Variants in DLL3 observed in about 807,000 individuals in gnomAD.
The protein encoded by DLL3 is delta-like protein 3.
In DLL3, 49 loss-of-function variants were observed where a neutral mutation model predicts 55.0. The observed-to-expected ratio is 0.89, with a 90% CI of 0.71 to 1.13. The LOEUF is 1.13. Ranked by LOEUF, DLL3 falls within the 50% of genes most tolerant of loss-of-function variation. The pLI is 0.00. For missense variants in DLL3, 962 were observed against 875.5 expected, an observed-to-expected ratio of 1.10 and a Z score of -1.25; for synonymous variants, 421 against 385.2, an observed-to-expected ratio of 1.09 and a Z score of -1.09.
chr19:39,508,392 T>A lies in DLL3; in HGVS notation c.*135T>A. On this transcript the variant is annotated 3_prime_UTR_variant, in exon 9 of 9. Coordinates refer to ENST00000356433, the MANE Select transcript of DLL3 (RefSeq NM_203486.3). The stretch of plus-strand genomic sequence containing the variant: ...GGGGGAACTTTACTGTTGCAAGTTG[T>A]AAATAATGGTTATTTATATCCTATT... 2 of 953,656 alleles carry A rather than the reference T, an allele frequency of 2.1e-6. No homozygotes were observed. Among genetic ancestry groups the A allele is most frequent in the Non-Finnish European group, 3.3e-6 (2 of 597,806 alleles). 59.1% of individuals were successfully genotyped at this position (953,656 alleles called of 1,614,324 possible).
chr19:39,507,907 C>A lies in DLL3; in HGVS notation c.1751C>A (p.Ala584Asp), dbSNP rs768002373. Residue 584 changes from alanine to aspartate, a missense_variant, in exon 8 of 9, where the codon GCT becomes GAT. Coordinates refer to ENST00000356433, the MANE Select transcript of DLL3 (RefSeq NM_203486.3). ...IYVISAPSIY[A>D]REA ...GTCATATCTGCTCCTTCCATCTACG[C>A]TCGGGAGGTAGCGACGCCCCTTTTC... The A allele has an allele frequency of 1.2e-6, 2 of 1,614,180 alleles. No individual in the cohort carries two copies. Among genetic ancestry groups the A allele is most frequent in the Non-Finnish European group, 1.7e-6 (2 of 1,180,026 alleles).
Position 39,499,435 on chromosome 19 carries a change from G to A in DLL3, c.313G>A (p.Asp105Asn), listed in dbSNP as rs2079596960. 3 of 1,591,170 alleles carry A rather than the reference G, an allele frequency of 1.9e-6. No homozygotes were observed. Among genetic ancestry groups the A allele is most frequent in the Non-Finnish European group, 1.7e-6 (2 of 1,176,466 alleles). ...GAPAPDLPLP[D>N]GLLQVPFRDA... ...GCCCGCGCCTGATCTCCCACTGCCC[G>A]ACGGCCTCTTGCAGGTGCCCTTCCG... The change falls in exon 2 of 9, where the codon GAC (aspartate) becomes AAC (asparagine). Residue 105 changes from aspartate (D) to asparagine (N), a missense_variant. Physicochemically the swap from Asp to Asn is conservative, Grantham distance 23. Coordinates refer to ENST00000356433, the MANE Select transcript of DLL3 (RefSeq NM_203486.3).
chr19:39,498,978 G>T lies in DLL3; in HGVS notation c.4G>T (p.Val2Phe), dbSNP rs2079592665. The T allele has an allele frequency of 1.2e-6, 2 of 1,613,952 alleles. No individual in the cohort carries two copies. Among genetic ancestry groups the T allele is most frequent in the Non-Finnish European group, 1.7e-6 (2 of 1,179,984 alleles). The change falls in exon 1 of 9, where the codon GTC becomes TTC. Residue 2 changes from valine to phenylalanine, a missense_variant. Physicochemically the swap from Val to Phe is conservative, Grantham distance 50. Coordinates refer to ENST00000356433, the MANE Select transcript of DLL3 (RefSeq NM_203486.3). Reference protein sequence around the residue: MVSPRMSGLLSQ... With the variant: MFSPRMSGLLSQ... The stretch of plus-strand genomic sequence containing the variant: ...GAGACCCCCCCACCAGAAGGCCATG[G>T]TCTCCCCACGGATGTCCGGGCTCCT...
chr19:39,508,084 C>A, intron 8 of DLL3, 168 bp from the exon 9 acceptor site: 1 of 1,604,594 alleles, frequency 6.2e-7, no homozygotes, highest in East Asian at 2.2e-5. Context: ...ATTTTGCATC[C>A]CTCTTATCGT....
chr19:39,500,923 T>C (rs543646072), intron 3 of DLL3, among the ~76,000 whole-genome samples: 2 of 152,226 alleles, frequency 1.3e-5, no homozygotes, highest in East Asian at 3.9e-4. Flanking sequence ...AGTGTAGCAT[T>C]TCACAGCCCT....
intron 4 of DLL3, 51 bp from the exon 5 acceptor site, chr19:39,504,020 C>T (rs767762417): frequency 6.3e-7 from 1 of 1,576,438 alleles, no homozygotes. Flanking sequence ...TTGTCCCTGG[C>T]CCTCCCCGAC....
intron 4 of DLL3, 102 bp downstream of exon 4, chr19:39,503,159 C>T: frequency 1.0e-5 from 13 of 1,276,532 alleles, no homozygotes; most frequent in African/African-American, 1.5e-5. Context: ...CACTCACCCT[C>T]TTCAGGGTAC....
At chr19:39,504,043 T>G (rs1441020418) in intron 4 of DLL3, 28 bp from the exon 5 acceptor site, 4 of 1,611,540 alleles carry the variant, frequency 2.5e-6, no homozygotes, top group Non-Finnish European at 3.4e-6. Flanking sequence ...TGGTGTTCCC[T>G]TTCTCTCTGC....
intron 6 of DLL3, 123 bp downstream of exon 6, chr19:39,505,574 C>A: frequency 1.0e-6 from 1 of 965,448 alleles, no homozygotes; most frequent in Non-Finnish European, 1.5e-6. Context: ...TGACCTTCCA[C>A]CTGCAAGCCT....
chr19:39,508,176 C>T, intron 8 of DLL3, 76 bp from the exon 9 acceptor site: 2 of 1,614,146 alleles, frequency 1.2e-6, no homozygotes, highest in Admixed American at 1.7e-5. Context: ...AGCTTTTCCA[C>T]TGATTGTACT....
At chr19:39,506,413 A>G (rs2079641866) in intron 6 of DLL3, among the ~76,000 whole-genome samples, 1 of 150,898 alleles carries the variant, frequency 6.6e-6, no homozygotes, top group South Asian at 2.1e-4. Flanking sequence ...CTGGCTGTGT[A>G]TCTTCTTGCG....
At chr19:39,504,595 T>C (rs1025388546) in intron 5 of DLL3, among the ~76,000 whole-genome samples, 1 of 151,900 alleles carries the variant, frequency 6.6e-6, no homozygotes, top group Non-Finnish European at 1.5e-5. Flanking sequence ...CCCAAGGTAG[T>C]GGGTGGTGGG....
chr19:39,500,492 C>A, intron 2 of DLL3, 123 bp from the exon 3 acceptor site: 1 of 755,852 alleles, frequency 1.3e-6, no homozygotes, highest in Non-Finnish European at 2.2e-6. Flanking sequence ...TGGGAATTGT[C>A]CCTTGCTTGC....
intron 2 of DLL3, among the ~76,000 whole-genome samples, 190 bp from the exon 3 acceptor site, chr19:39,500,425 C>A (rs1008395616): frequency 2.8e-5 from 4 of 143,226 alleles, no homozygotes; most frequent in African/African-American, 5.3e-5. Context: ...GATTCTCCCC[C>A]CCCCCCCAAA....
At position 39,502,837 on chromosome 19, in the gene DLL3, G is replaced by A. The variant is rs1304889128; in HGVS notation, c.432G>A (p.Ala144=). Residue 144 remains alanine (A), a synonymous_variant, in exon 4 of 9, where the codon GCG becomes GCA. Transcript: ENST00000356433. The part of the protein sequence containing the change: ...QIGGPAWSLL[A]RVAGRRRLAA... ...CAGGGCCCGCCTGGAGCCTGCTGGC[G>A]CGCGTGGCTGGCAGGCGGCGCTTGG... 2.1e-6 allele frequency: 3 copies of A among 1,420,352 alleles called. No homozygotes were observed. The highest frequency in any genetic ancestry group is 3.0e-5 in the African/African-American group (2 of 66,950). 88.0% of individuals were successfully genotyped at this position (1,420,352 alleles called of 1,614,324 possible).
At chr19:39,503,625 C>A (rs1325524599) in intron 4 of DLL3, among the ~76,000 whole-genome samples, 1 of 152,156 alleles carries the variant, frequency 6.6e-6, no homozygotes, top group African/African-American at 2.4e-5. Flanking sequence ...ATTTCAGAGC[C>A]CCACCAAGGC....
At chr19:39,502,431 T>A (rs1384361799) in intron 3 of DLL3, among the ~76,000 whole-genome samples, 1 of 151,764 alleles carries the variant, frequency 6.6e-6, no homozygotes, top group Non-Finnish European at 1.5e-5. Flanking sequence ...CCTGGCTAAT[T>A]TTTTTAAAGA....
intron 2 of DLL3, 42 bp from the exon 3 acceptor site, chr19:39,500,573 C>A: frequency 6.3e-7 from 1 of 1,580,578 alleles, no homozygotes; most frequent in Non-Finnish European, 8.7e-7. Context: ...ACCCTAACCA[C>A]TGTCTTTCAT....
intron 2 of DLL3, among the ~76,000 whole-genome samples, chr19:39,499,855 T>C (rs1600752161): frequency 1.7e-5 from 1 of 58,504 alleles, no homozygotes; most frequent in Non-Finnish European, 3.6e-5. Context: ...CTTCTCTCTC[T>C]TTTTTTTTTT....
Sources: gnomAD v4.1 joint callset for allele counts (sites outside exome capture counted in the v4.1 genomes callset) on GRCh38, gnomAD v4.1.1 for gene constraint, MANE v1.5 for transcripts, NCBI Gene and HGNC (gene_info 2026-07-23, HGNC 2026-07-21) for gene names.